The following SPATA6 variants were observed in gnomAD, a reference collection of about 807,000 sequenced individuals.
The protein encoded by SPATA6 is spermatogenesis associated 6, also known as spermatogenesis-associated protein 6.
Under a neutral mutation model 65.3 loss-of-function variants are expected in SPATA6, and 56 were observed. The observed-to-expected ratio is 0.86, with a 90% CI of 0.69 to 1.07. The LOEUF (loss-of-function observed/expected upper bound fraction) is 1.07, where lower values mean the gene tolerates loss of function less well. Ranked by LOEUF, SPATA6 falls within the 50% of genes least tolerant of loss-of-function variation. The pLI, the probability that SPATA6 is intolerant of heterozygous loss-of-function variation, is 0.00. For missense variants in SPATA6, 590 were observed against 594.8 expected, an observed-to-expected ratio of 0.99 and a Z score of 0.08; for synonymous variants, 199 against 213.2, an observed-to-expected ratio of 0.93 and a Z score of 0.58.
intron 1 of SPATA6, among the ~76,000 whole-genome samples, chr1:48,461,109 T>C (rs952678369): frequency 2.0e-5 from 3 of 152,188 alleles, no homozygotes; most frequent in East Asian, 1.9e-4. Context: ...GCTTTTTTCA[T>C]GTGTCTTTTG....
At chr1:48,471,177 C>T (rs1268783466) in intron 1 of SPATA6, among the ~76,000 whole-genome samples, 1 of 152,186 alleles carries the variant, frequency 6.6e-6, no homozygotes, top group African/African-American at 2.4e-5. Context: ...GAGTGGGGTT[C>T]TCTGCCCCAG....
intron 9 of SPATA6, among the ~76,000 whole-genome samples, chr1:48,370,235 T>C (rs1262263980): frequency 9.9e-5 from 15 of 152,178 alleles, no homozygotes. Context: ...GTTTCTCTTC[T>C]GTCATAGGGC....
chr1:48,338,416 C>T (rs1646119750), intron 11 of SPATA6, among the ~76,000 whole-genome samples: 1 of 152,012 alleles, frequency 6.6e-6, no homozygotes. Flanking sequence ...ACACCAAACA[C>T]ATCTGAAAAG....
At chr1:48,314,364 A>G (rs1002126845) in intron 11 of SPATA6, among the ~76,000 whole-genome samples, 1 of 152,156 alleles carries the variant, frequency 6.6e-6, no homozygotes, top group Admixed American at 6.6e-5. Flanking sequence ...GTGCAATCAA[A>G]CTAGAACTCA....
At chr1:48,434,259 G>GAAAAAA (rs530291772) in intron 3 of SPATA6, among the ~76,000 whole-genome samples, 32 of 109,590 alleles carry the variant, frequency 2.9e-4, no homozygotes, top group African/African-American at 3.8e-4. Context: ...AGCAGTGAAA[G>GAAAAAA]AAAAAAAAAA....
chr1:48,393,122 C>A (rs1403720916), intron 8 of SPATA6: 1 of 152,102 alleles, frequency 6.6e-6, no homozygotes, highest in Non-Finnish European at 1.5e-5. Flanking sequence ...TAGGATATTA[C>A]ATAGTTTCAA....
intron 11 of SPATA6, among the ~76,000 whole-genome samples, chr1:48,315,437 A>C (rs1266155874): frequency 1.3e-5 from 2 of 150,316 alleles, no homozygotes; most frequent in Non-Finnish European, 1.5e-5. Context: ...CAAAGACAAA[A>C]ACGACATGAT....
At chr1:48,262,136 G>C in the SPATA6 span, 1 of 152,108 alleles carries the variant, frequency 6.6e-6, no homozygotes, top group Admixed American at 6.5e-5. Flanking sequence ...GAAACATCTT[G>C]AAATGTTCAA....
intron 9 of SPATA6, among the ~76,000 whole-genome samples, chr1:48,384,617 C>T (rs1043366967): frequency 6.6e-6 from 1 of 152,028 alleles, no homozygotes; most frequent in African/African-American, 2.4e-5. Context: ...CATGAACATA[C>T]ATGAAATAAT....
chr1:48,266,714 A>C, the SPATA6 span, among the ~76,000 whole-genome samples: 1 of 152,218 alleles, frequency 6.6e-6, no homozygotes, highest in African/African-American at 2.4e-5. Context: ...TCATTTGGCA[A>C]AAACAATTCC....
At chr1:48,325,273 A>G in intron 11 of SPATA6, 1 of 925,720 alleles carries the variant, frequency 1.1e-6, no homozygotes, top group Non-Finnish European at 1.7e-6. Flanking sequence ...ACAAGCCACC[A>G]ATGAGTGCTG....
the SPATA6 span, among the ~76,000 whole-genome samples, chr1:48,275,473 G>C: frequency 6.6e-6 from 1 of 152,022 alleles, no homozygotes; most frequent in African/African-American, 2.4e-5. Context: ...ATTGGCTGTG[G>C]GTTTGTCATT....
the SPATA6 span, among the ~76,000 whole-genome samples, chr1:48,267,323 C>A: frequency 6.6e-6 from 1 of 152,208 alleles, no homozygotes; most frequent in African/African-American, 2.4e-5. Context: ...GTTTTGCCAT[C>A]TGCAGGTGGC....
At chr1:48,422,870 T>A (rs1187074793) in intron 3 of SPATA6, among the ~76,000 whole-genome samples, 1 of 152,148 alleles carries the variant, frequency 6.6e-6, no homozygotes, top group Non-Finnish European at 1.5e-5. Context: ...CCAAAAGAAC[T>A]AAGTATATCT....
intron 5 of SPATA6, among the ~76,000 whole-genome samples, chr1:48,404,289 C>G (rs574756972): frequency 6.6e-6 from 1 of 152,164 alleles, no homozygotes; most frequent in African/African-American, 2.4e-5. Flanking sequence ...TTTGATTTAG[C>G]CATTCCACAA....
intron 11 of SPATA6, among the ~76,000 whole-genome samples, chr1:48,346,116 A>C (rs1646357350): frequency 6.6e-6 from 1 of 152,160 alleles, no homozygotes; most frequent in Non-Finnish European, 1.5e-5. Context: ...GCAGCTCATC[A>C]AAAAGCTTAG....
At chr1:48,289,303 C>T in the SPATA6 span, among the ~76,000 whole-genome samples, 2 of 152,148 alleles carry the variant, frequency 1.3e-5, no homozygotes, top group African/African-American at 4.8e-5. Flanking sequence ...TGAAGGAAAA[C>T]TAAAAAACAG....
Position 48,471,950 on chromosome 1 carries a change from G to T in SPATA6, c.51+8C>A. 1 of 1,610,094 alleles carries T rather than the reference G, an allele frequency of 6.2e-7. No individual in the cohort carries two copies. The highest frequency in any genetic ancestry group is 8.5e-7 in the Non-Finnish European group (1 of 1,179,252). ...TGCCCGGGGGTGGGAGGCGCTACCG[G>T]TACTCACTGAGCTGATCTCCAGCGC... On this transcript the variant is annotated splice_region_variant and intron_variant, in intron 1 of 12. Transcript: ENST00000371847.
At chr1:48,314,836 G>T (rs187660619) in intron 11 of SPATA6, among the ~76,000 whole-genome samples, 4 of 151,692 alleles carry the variant, frequency 2.6e-5, no homozygotes, top group Admixed American at 6.6e-5. Context: ...TCAAATAAAC[G>T]CAATAAAAAA....
Sources: gnomAD v4.1 joint callset for allele counts (sites outside exome capture counted in the v4.1 genomes callset) on GRCh38, gnomAD v4.1.1 for gene constraint, MANE v1.5 for transcripts, NCBI Gene and HGNC (gene_info 2026-07-23, HGNC 2026-07-21) for gene names.